The following PLIN3 variants were observed in gnomAD, a reference collection of about 807,000 sequenced individuals.
PLIN3 encodes the protein perilipin 3.
A neutral mutation model predicts 35.9 loss-of-function variants in PLIN3; 30 were observed. The ratio of observed to expected loss-of-function variants is 0.84; its 90% confidence interval spans 0.62 to 1.13. The LOEUF is 1.13. Ranked by LOEUF, PLIN3 falls within the 50% of genes most tolerant of loss-of-function variation. The pLI, the probability that PLIN3 is intolerant of heterozygous loss-of-function variation, is 0.00. For missense variants in PLIN3, 603 were observed against 596.9 expected, an observed-to-expected ratio of 1.01 and a Z score of -0.11; for synonymous variants, 261 against 262.5, an observed-to-expected ratio of 0.99 and a Z score of 0.06.
intron 4 of PLIN3, among the ~76,000 whole-genome samples, chr19:4,855,906 C>T (rs1261074417): frequency 5.0e-5 from 7 of 139,022 alleles, no homozygotes; most frequent in African/African-American, 1.9e-4. Context: ...GCTTGGGCTA[C>T]AGAGCAAGAC....
intron 4 of PLIN3, among the ~76,000 whole-genome samples, chr19:4,853,134 A>AT: frequency 6.9e-6 from 1 of 145,586 alleles, no homozygotes; most frequent in Non-Finnish European, 1.5e-5. Context: ...TTTTTTTTCA[A>AT]TTTAATTTTT....
intron 4 of PLIN3, among the ~76,000 whole-genome samples, chr19:4,852,939 C>A (rs999446129): frequency 1.3e-5 from 2 of 151,962 alleles, no homozygotes; most frequent in African/African-American, 2.4e-5. Flanking sequence ...CTCAGCCTCC[C>A]GAGTAGCTGG....
At position 4,847,812 on chromosome 19, in the gene PLIN3, C is replaced by G. The variant is rs184331628; in HGVS notation, c.713G>C (p.Arg238Pro). 1.9e-6 allele frequency: 3 copies of G among 1,613,772 alleles called. No individual in the cohort carries two copies. Among genetic ancestry groups the G allele is most frequent in the Non-Finnish European group, 2.5e-6 (3 of 1,179,968 alleles). Residue 238 changes from arginine to proline, a missense_variant, in exon 6 of 8, where the codon CGT becomes CCT. Coordinates refer to ENST00000221957, the MANE Select transcript of PLIN3 (RefSeq NM_005817.5). ...QQRQEQSYFVRLGSLSERLRQ... is the reference protein window; with the variant it reads ...QQRQEQSYFVPLGSLSERLRQ... Reference sequence around the variant, plus strand: ...CAGCCTCTCCGACAGGGAGCCCAGACGTACGAAGTAGCTCTGTTCCTGCCG... The same window carrying G: ...CAGCCTCTCCGACAGGGAGCCCAGAGGTACGAAGTAGCTCTGTTCCTGCCG...
At chr19:4,855,703 T>C (rs908078162) in intron 4 of PLIN3, among the ~76,000 whole-genome samples, 2 of 151,932 alleles carry the variant, frequency 1.3e-5, no homozygotes, top group African/African-American at 2.4e-5. Context: ...CCACCGTGCC[T>C]GGCTAGCCTG....
At chr19:4,864,955 G>A (rs773471635) in intron 1 of PLIN3, among the ~76,000 whole-genome samples, 1 of 152,148 alleles carries the variant, frequency 6.6e-6, no homozygotes, top group Non-Finnish European at 1.5e-5. Context: ...ACGCTGGGAG[G>A]CTGAGGTGGG....
intron 2 of PLIN3, among the ~76,000 whole-genome samples, chr19:4,860,555 C>T (rs1477885518): frequency 2.0e-5 from 3 of 152,154 alleles, no homozygotes; most frequent in Admixed American, 6.6e-5. Flanking sequence ...TTTATCCCAG[C>T]GATGTGCCAG....
chr19:4,846,680 C>T (rs754570215), intron 6 of PLIN3, among the ~76,000 whole-genome samples: 1 of 151,954 alleles, frequency 6.6e-6, no homozygotes, highest in African/African-American at 2.4e-5. Flanking sequence ...GCCTGGGCAA[C>T]AGAGCGAGAC....
intron 7 of PLIN3, among the ~76,000 whole-genome samples, chr19:4,843,704 C>T (rs2029987441): frequency 6.6e-6 from 1 of 151,740 alleles, no homozygotes; most frequent in South Asian, 2.1e-4. Flanking sequence ...GGCATCGTGG[C>T]ACACGCCTGT....
intron 7 of PLIN3, among the ~76,000 whole-genome samples, chr19:4,840,459 G>C (rs2146193815): frequency 6.6e-6 from 1 of 152,132 alleles, no homozygotes; most frequent in South Asian, 2.1e-4. Context: ...ATCTCACTAA[G>C]TTGCCCAGGT....
intron 5 of PLIN3, among the ~76,000 whole-genome samples, chr19:4,851,189 G>A (rs768064239): frequency 3.3e-5 from 5 of 152,078 alleles, no homozygotes; most frequent in Middle Eastern, 3.4e-3. Flanking sequence ...AAAAAGGGCC[G>A]GGCATGGTGG....
intron 2 of PLIN3, among the ~76,000 whole-genome samples, chr19:4,860,832 G>A (rs1431375139): frequency 6.6e-6 from 1 of 152,038 alleles, no homozygotes; most frequent in Non-Finnish European, 1.5e-5. Context: ...TTAGCCGGGC[G>A]TGGTGGCACA....
chr19:4,861,747 T>C (rs1478724988), intron 1 of PLIN3, among the ~76,000 whole-genome samples: 2 of 152,020 alleles, frequency 1.3e-5, no homozygotes, highest in African/African-American at 4.8e-5. Flanking sequence ...GCAATTCTCC[T>C]GCCTTAGCCT....
At chr19:4,861,179 G>A in intron 2 of PLIN3, 150 bp downstream of exon 2, 2 of 671,886 alleles carry the variant, frequency 3.0e-6, no homozygotes, top group Non-Finnish European at 5.3e-6. Context: ...ACACCAGTGA[G>A]TGGTCCATAC....
In PLIN3 at chr19:4,859,625, C is replaced by G; in HGVS notation, c.313G>C (p.Glu105Gln). Residue 105 changes from glutamate to glutamine, a missense_variant, in exon 4 of 8, where the codon GAG becomes CAG. Transcript: ENST00000221957. ...GGCTGCTGCAGGATGGGGAGGTTCT[C>G]CTCCAACTTGTCCAGCCCCCTGTGG... ...YAHRGLDKLEENLPILQQPTE... is the reference protein window; with the variant it reads ...YAHRGLDKLEQNLPILQQPTE... The G allele has an allele frequency of 6.2e-7, 1 of 1,614,214 alleles. No homozygotes were observed. The highest frequency in any genetic ancestry group is 8.5e-7 in the Non-Finnish European group (1 of 1,180,030).
At chr19:4,853,745 G>A (rs540777626) in intron 4 of PLIN3, among the ~76,000 whole-genome samples, 1 of 151,924 alleles carries the variant, frequency 6.6e-6, no homozygotes, top group South Asian at 2.1e-4. Context: ...CCCGGGAGGT[G>A]GAGTTTGCAG....
intron 4 of PLIN3, among the ~76,000 whole-genome samples, chr19:4,854,638 G>C (rs11668342): frequency 0.1 from 15,818 of 151,946 alleles, 885 homozygotes; most frequent in Non-Finnish European, 0.13. Flanking sequence ...CCCCCGATGA[G>C]AGTCAGGTTC....
chr19:4,856,140 C>G (rs7247622), intron 4 of PLIN3, among the ~76,000 whole-genome samples: 3,097 of 152,144 alleles, frequency 0.02, 111 homozygotes, highest in African/African-American at 0.072. Flanking sequence ...GCTGGCTTGT[C>G]CTGCCTCCAA....
At chr19:4,863,940 T>C (rs931269350) in intron 1 of PLIN3, among the ~76,000 whole-genome samples, 1 of 152,126 alleles carries the variant, frequency 6.6e-6, no homozygotes, top group Admixed American at 6.6e-5. Context: ...GCAAACTTTC[T>C]TCTCTTTCTT....
intron 4 of PLIN3, among the ~76,000 whole-genome samples, chr19:4,859,009 T>G (rs990037845): frequency 6.6e-6 from 1 of 151,474 alleles, no homozygotes; most frequent in Non-Finnish European, 1.5e-5. Context: ...GCCAGGAACA[T>G]GGTGTTTTGA....
Sources: gnomAD v4.1 joint callset for allele counts (sites outside exome capture counted in the v4.1 genomes callset) on GRCh38, gnomAD v4.1.1 for gene constraint, MANE v1.5 for transcripts, NCBI Gene and HGNC (gene_info 2026-07-23, HGNC 2026-07-21) for gene names.